COG3: variants seen among roughly 807,000 people sequenced by gnomAD.
COG3 encodes component of oligomeric golgi complex 3, also known as conserved oligomeric Golgi complex subunit 3.
A neutral mutation model predicts 114.1 loss-of-function variants in COG3; 32 were observed. The observed-to-expected ratio is 0.28, with a 90% CI of 0.21 to 0.38. COG3 has a LOEUF of 0.38. Among genes scored for constraint, COG3 ranks in the 10% least tolerant of loss-of-function variants. The probability of loss-of-function intolerance (pLI) is 1.00; values close to 1 mark genes in which losing one functional copy is unlikely to be tolerated. For synonymous variants in COG3, 352 were observed against 365.7 expected, an observed-to-expected ratio of 0.96 and a Z score of 0.43; for missense variants, 813 against 973.2, an observed-to-expected ratio of 0.84 and a Z score of 2.19.
intron 1 of COG3, among the ~76,000 whole-genome samples, chr13:45,472,761 G>A (rs1274505241): frequency 6.6e-6 from 1 of 152,198 alleles, no homozygotes; most frequent in Non-Finnish European, 1.5e-5. Flanking sequence ...TGTTACACCA[G>A]AGCCTTTAAC....
At chr13:45,502,023 G>A (rs1054819655) in intron 13 of COG3, among the ~76,000 whole-genome samples, 3 of 152,116 alleles carry the variant, frequency 2.0e-5, no homozygotes, top group Non-Finnish European at 4.4e-5. Flanking sequence ...CCCTTGTAGG[G>A]CAGGCAGTGG....
At chr13:45,489,212 AGAGCCAGCCAGTTG>A (rs1566250379) in intron 8 of COG3, among the ~76,000 whole-genome samples, 1 of 106,748 alleles carries the variant, frequency 9.4e-6, no homozygotes, top group Non-Finnish European at 1.9e-5. Flanking sequence ...AAAAAAAAAA[AGAGCCAGCCAGTTG>A]AAAGGAATTT....
intron 2 of COG3, 87 bp downstream of exon 2, chr13:45,476,434 ACATTTGTCAC>A: frequency 1.5e-6 from 2 of 1,299,218 alleles, no homozygotes; most frequent in Non-Finnish European, 2.2e-6. Context: ...AAAGTTCTGA[ACATTTGTCAC>A]CATAATTAAC....
In COG3 at chr13:45,465,065, C is replaced by T. The variant is rs997687835; in HGVS notation, c.29C>T (p.Pro10Leu). 3.8e-6 allele frequency: 6 copies of T among 1,594,666 alleles called. No individual in the cohort carries two copies. The Admixed American group carries it at 7.0e-5, about 19-fold the overall frequency. Residue 10 changes from proline (P) to leucine (L), a missense_variant, in exon 1 of 23, where the codon CCT (proline) becomes CTT (leucine). Coordinates refer to ENST00000349995, the MANE Select transcript of COG3 (RefSeq NM_031431.4). ...GCGGAGGCGGCGCTGTTGCTGCTGC[C>T]TGAGGCGGCGGCGGAGCGGGACGCT... MAEAALLLL[P>L]EAAAERDARE...
rs59577529 is a variant in COG3, at chr13:45,525,634, G to GTTTTTTTTTTTTTTTTTTTTTT, written c.2230+601_2230+602insTTTTTTTTTTTTTTTTTTTTTT. On this transcript the variant is annotated intron_variant, in intron 20 of 22. Coordinates refer to ENST00000349995, the MANE Select transcript of COG3 (RefSeq NM_031431.4). Reference sequence around the variant, plus strand: ...ATTTTTTTGTGCTGGAGGGCTTTGGGTTTTTTTTTTTTTTTTTTGGTCTTT... The same window carrying GTTTTTTTTTTTTTTTTTTTTTT: ...ATTTTTTTGTGCTGGAGGGCTTTGGGTTTTTTTTTTTTTTTTTTTTTTTTTTTTTTTTTTTTTTTTGGTCTTT... 1.1e-3 allele frequency among the ~76,000 whole-genome samples: 61 copies of GTTTTTTTTTTTTTTTTTTTTTT among 56,620 alleles called. 4 individuals are homozygous for GTTTTTTTTTTTTTTTTTTTTTT. The highest frequency in any genetic ancestry group is 2.0e-3 in the East Asian group (3 of 1,502). The allele number at this position is 56,620 out of a possible 152,430, so 37.1% of individuals were successfully genotyped here.
rs1307662926 is a variant in COG3 at position 45,465,125 on chromosome 13, A to G, written c.89A>G (p.Asp30Gly). Residue 30 changes from aspartate (D) to glycine (G), a missense_variant, in exon 1 of 23, where the codon GAC becomes GGC. Around this residue, in one of 2 missense-constraint regions of COG3, gnomAD observed 424 missense variants for 430.6 expected, o/e 0.98. Transcript: ENST00000349995. ...EKLALWDRRPDTTAPLTDRQT... is the reference protein window; with the variant it reads ...EKLALWDRRPGTTAPLTDRQT... ...CTGGCTCTCTGGGATCGGAGACCGG[A>G]CACGACGGCGCCGCTGACCGACAGG... 6.2e-7 allele frequency: 1 copy of G among 1,613,366 alleles called. No homozygotes were observed. Among genetic ancestry groups the G allele is most frequent in the South Asian group, 1.1e-5 (1 of 91,076 alleles).
At chr13:45,472,922 T>C (rs1298674334) in intron 1 of COG3, among the ~76,000 whole-genome samples, 2 of 152,176 alleles carry the variant, frequency 1.3e-5, no homozygotes, top group African/African-American at 4.8e-5. Flanking sequence ...TAGGCTGGAG[T>C]GCAGTGGTGC....
chr13:45,493,472 A>G lies in COG3; in HGVS notation c.1313A>G (p.His438Arg). ...GILKNEVLED[H>R]VQNNAEQLGA... ...CTTAAAAATGAGGTGCTTGAAGATC[A>G]TGTGCAGAACAATGGTAAATGAGTA... Residue 438 changes from histidine to arginine, a missense_variant, in exon 12 of 23, where the codon CAT (histidine) becomes CGT (arginine). Physicochemically the swap from His to Arg is conservative, Grantham distance 29. Transcript: ENST00000349995. 1 of 1,613,380 alleles carries G rather than the reference A, an allele frequency of 6.2e-7. No homozygotes were observed. The highest frequency in any genetic ancestry group is 8.5e-7 in the Non-Finnish European group (1 of 1,179,550).
intron 20 of COG3, among the ~76,000 whole-genome samples, chr13:45,526,026 A>C (rs1331068147): frequency 2.3e-5 from 3 of 130,246 alleles, no homozygotes; most frequent in Non-Finnish European, 4.9e-5. Context: ...TTAGGTATTC[A>C]TTTTCTTTGG....
chr13:45,513,825 A>G (rs1382881323), intron 16 of COG3, among the ~76,000 whole-genome samples: 6 of 151,986 alleles, frequency 3.9e-5, no homozygotes, highest in South Asian at 2.1e-4. Context: ...GGAAATGGTT[A>G]CATAAATTGT....
intron 17 of COG3, 30 bp downstream of exon 17, chr13:45,516,293 G>T (rs1306916131): frequency 1.3e-6 from 2 of 1,548,106 alleles, no homozygotes; most frequent in South Asian, 1.3e-5. Flanking sequence ...GGCACACTTG[G>T]GTGTGTTTGA....
intron 2 of COG3, among the ~76,000 whole-genome samples, chr13:45,478,420 C>T (rs1189385439): frequency 6.6e-6 from 1 of 151,584 alleles, no homozygotes; most frequent in African/African-American, 2.4e-5. Flanking sequence ...ACCTTGTGAT[C>T]CGCTCGCCTC....
chr13:45,500,057 T>A (rs12875503), intron 13 of COG3, among the ~76,000 whole-genome samples: 46,049 of 107,390 alleles, frequency 0.43, 9,013 homozygotes, highest in Middle Eastern at 0.59. Context: ...TGTGTGTGTG[T>A]GTGTGTGTGA....
At chr13:45,528,585 C>T (rs781295770) in intron 20 of COG3, among the ~76,000 whole-genome samples, 45 of 152,190 alleles carry the variant, frequency 3.0e-4, no homozygotes, top group Non-Finnish European at 5.3e-4. Context: ...TCAGAGGCAA[C>T]TACTATTAAA....
intron 2 of COG3, among the ~76,000 whole-genome samples, chr13:45,478,021 A>G (rs1885993721): frequency 6.6e-6 from 1 of 152,182 alleles, no homozygotes. Context: ...ATTTGCCCAA[A>G]GCACTATGTT....
At chr13:45,496,417 C>T (rs2137840689) in intron 13 of COG3, 105 bp downstream of exon 13, 3 of 893,638 alleles carry the variant, frequency 3.4e-6, no homozygotes, top group Non-Finnish European at 4.3e-6. Context: ...ACAGGGTTTC[C>T]CCTTGTTGCC....
intron 13 of COG3, among the ~76,000 whole-genome samples, chr13:45,503,026 C>G (rs1466840797): frequency 6.6e-6 from 1 of 152,176 alleles, no homozygotes; most frequent in Non-Finnish European, 1.5e-5. Context: ...AAATAGCATA[C>G]TGTAGCTATT....
Position 45,511,844 on chromosome 13 carries a change from G to C in COG3, c.1799G>C (p.Ser600Thr), listed in dbSNP as rs1340773323. The change falls in exon 16 of 23, where the codon AGC (serine) becomes ACC (threonine). Residue 600 changes from serine to threonine, a missense_variant. Ser to Thr is a moderately conservative substitution (Grantham distance 58, BLOSUM62 1). Coordinates refer to ENST00000349995, the MANE Select transcript of COG3 (RefSeq NM_031431.4). ...QSLLGASESI[S>T]KNKTQIDGQL... ...TTACTTGGAGCGTCAGAGTCTATCA[G>C]CAAAAACAAGGTTTGATGAAGTGTT... 1.2e-6 allele frequency: 2 copies of C among 1,612,560 alleles called. No homozygotes were observed. The highest frequency in any genetic ancestry group is 3.3e-5 in the Admixed American group (2 of 60,018).
chr13:45,478,958 T>A, intron 2 of COG3, 47 bp from the exon 3 acceptor site: 1 of 1,370,592 alleles, frequency 7.3e-7, no homozygotes, highest in South Asian at 1.2e-5. Flanking sequence ...CACTTTTAAT[T>A]TTGTCAGTTT....
Sources: gnomAD v4.1 joint callset for allele counts (sites outside exome capture counted in the v4.1 genomes callset) on GRCh38, gnomAD v4.1.1 for gene constraint, gnomAD v4.1.1 regional missense constraint, MANE v1.5 for transcripts, NCBI Gene and HGNC (gene_info 2026-07-23, HGNC 2026-07-21) for gene names.